Variants in BRAF observed in about 807,000 individuals in gnomAD.
BRAF encodes serine/threonine-protein kinase B-raf.
BRAF carries 16 observed loss-of-function variants against 104.6 expected under a neutral mutation model. The observed-to-expected ratio is 0.15, with a 90% confidence interval of 0.10 to 0.23. BRAF has a LOEUF of 0.23. Among genes scored for constraint, BRAF ranks in the 10% least tolerant of loss-of-function variants. The probability of loss-of-function intolerance (pLI) is 1.00; values close to 1 mark genes in which losing one functional copy is unlikely to be tolerated. For missense variants in BRAF, 541 were observed against 937.3 expected (o/e 0.58, Z 5.52); for synonymous variants, 310 against 341.6 (o/e 0.91, Z 1.02).
In BRAF at chr7:140,924,532, G is replaced by A. The variant is rs1419729185; in HGVS notation, c.138+34C>T. ...ACACCAGCCAGCCGCCGAGCCCGGA[G>A]TCGGGAGGGCGGCAGGGTGGCGCCA... On this transcript the variant is annotated intron_variant, in intron 1 of 19. Coordinates refer to ENST00000644969, the MANE Select transcript of BRAF (RefSeq NM_001374258.1). The surrounding 1 kb of genome is among the most constrained non-coding windows in gnomAD (Gnocchi z 4.2). 9 of 1,533,734 alleles carry A rather than the reference G, an allele frequency of 5.9e-6. No homozygotes were observed. In the South Asian group the frequency reaches 7.1e-5, roughly 12 times the overall value.
intron 1 of BRAF, among the ~76,000 whole-genome samples, chr7:140,891,976 G>A (rs1484277955): frequency 6.6e-6 from 1 of 152,164 alleles, no homozygotes; most frequent in African/African-American, 2.4e-5. Flanking sequence ...CAAAGGTAAG[G>A]CCAGGTGCAG....
intron 2 of BRAF, among the ~76,000 whole-genome samples, chr7:140,846,336 A>AT (rs1554411554): frequency 6.6e-6 from 1 of 152,208 alleles, no homozygotes. Flanking sequence ...AAGGAAAAAA[A>AT]TTTTGATATA....
intron 14 of BRAF, among the ~76,000 whole-genome samples, chr7:140,757,605 G>C (rs1798314749): frequency 6.6e-6 from 1 of 152,086 alleles, no homozygotes; most frequent in Non-Finnish European, 1.5e-5. Context: ...TTTAAATTTT[G>C]TAGACATGGT....
intron 1 of BRAF, among the ~76,000 whole-genome samples, chr7:140,919,492 G>T (rs1044447852): frequency 6.6e-6 from 1 of 151,682 alleles, no homozygotes; most frequent in African/African-American, 2.4e-5. Flanking sequence ...GAGAAAACAT[G>T]GACACAAAAA....
At chr7:140,770,948 A>C (rs1226402627) in intron 14 of BRAF, among the ~76,000 whole-genome samples, 2 of 149,824 alleles carry the variant, frequency 1.3e-5, no homozygotes, top group Non-Finnish European at 1.5e-5. Flanking sequence ...AAAAAAAAAA[A>C]CCAAAAAAGA....
At chr7:140,821,714 C>G (rs1024098762) in intron 3 of BRAF, among the ~76,000 whole-genome samples, 2 of 152,096 alleles carry the variant, frequency 1.3e-5, no homozygotes, top group African/African-American at 4.8e-5. Context: ...CCATTCGACC[C>G]AGCAGTCTCA....
In BRAF at chr7:140,753,318, C is replaced by T. The variant is rs1488384581; in HGVS notation, c.1937G>A (p.Gly646Glu). Residue 646 changes from glycine (G) to glutamate (E), a missense_variant, in exon 16 of 20, where the codon GGG becomes GAG. Physicochemically the swap from Gly to Glu is moderately conservative, Grantham distance 98. Transcript: ENST00000644969. Reference sequence around the variant, plus strand: ...AGACAACTGTTCAAACTGATGGGACCCACTCCATCGAGATTTCACTGTAGC... The same window carrying T: ...AGACAACTGTTCAAACTGATGGGACTCACTCCATCGAGATTTCACTGTAGC... Reference protein sequence around the residue: ...GLATVKSRWSGSHQFEQLSGS... With the variant: ...GLATVKSRWSESHQFEQLSGS... 6.2e-7 allele frequency: 1 copy of T among 1,612,594 alleles called. No individual in the cohort carries two copies. Among genetic ancestry groups the T allele is most frequent in the Non-Finnish European group, 8.5e-7 (1 of 1,179,072 alleles).
chr7:140,720,922 A>T lies in BRAF; in HGVS notation c.*5572T>A. The T allele has an allele frequency of 9.4e-7, 1 of 1,065,918 alleles. No homozygotes were observed. The highest frequency in any genetic ancestry group is 5.0e-5 in the East Asian group (1 of 20,152). The allele number at this position is 1,065,918 out of a possible 1,614,324, so 66.0% of individuals were successfully genotyped here. On this transcript the variant is annotated 3_prime_UTR_variant, in exon 20 of 20. Transcript: ENST00000644969. The stretch of plus-strand genomic sequence containing the variant: ...ACAAATTTTCTGCCAACTCTCCCGC[A>T]TATGTGCTGTACATGAGAACCAGCG...
chr7:140,756,733 C>G (rs981154650), intron 14 of BRAF, among the ~76,000 whole-genome samples: 3 of 152,162 alleles, frequency 2.0e-5, no homozygotes, highest in African/African-American at 7.2e-5. Flanking sequence ...TACAGTTTTA[C>G]AGAAGTACTA....
chr7:140,910,721 C>T (rs1292189690), intron 1 of BRAF, among the ~76,000 whole-genome samples: 1 of 152,074 alleles, frequency 6.6e-6, no homozygotes, highest in East Asian at 1.9e-4. Context: ...GTCACCCAGG[C>T]AGGAGTGCAG....
Position 140,781,640 on chromosome 7 carries a change from C to G in BRAF, c.1488G>C (p.Gln496His), listed in dbSNP as rs767473452. ...ATCCAATTCTTTGTCCCACTGTAAT[C>G]TGCCCATCAGGAATCTCCCAATCAT... Reference protein sequence around the residue: ...SSDDWEIPDGQITVGQRIGSG... With the variant: ...SSDDWEIPDGHITVGQRIGSG... The change falls in exon 12 of 20, where the codon CAG becomes CAC. Residue 496 changes from glutamine (Q) to histidine (H), a missense_variant. Around this residue, in one of 10 missense-constraint regions of BRAF, gnomAD observed 109 missense variants for 143.9 expected, o/e 0.76. Coordinates refer to ENST00000644969, the MANE Select transcript of BRAF (RefSeq NM_001374258.1). 1 of 1,614,134 alleles carries G rather than the reference C, an allele frequency of 6.2e-7. No homozygotes were observed. Among genetic ancestry groups the G allele is most frequent in the Non-Finnish European group, 8.5e-7 (1 of 1,180,018 alleles).
chr7:140,821,468 T>G (rs1420969271), intron 3 of BRAF, among the ~76,000 whole-genome samples: 1 of 151,446 alleles, frequency 6.6e-6, no homozygotes, highest in Non-Finnish European at 1.5e-5. Flanking sequence ...TGGCTAATTT[T>G]TTTTTTTGTA....
intron 14 of BRAF, among the ~76,000 whole-genome samples, chr7:140,773,031 A>G (rs1032778731): frequency 6.6e-6 from 1 of 152,322 alleles, no homozygotes; most frequent in African/African-American, 2.4e-5. Context: ...AATGTTCCTT[A>G]GAAAACCTCT....
chr7:140,771,985 T>C (rs1237708951), intron 14 of BRAF, among the ~76,000 whole-genome samples: 1 of 151,990 alleles, frequency 6.6e-6, no homozygotes, highest in East Asian at 1.9e-4. Flanking sequence ...GCCCTCAAGA[T>C]GAAACTATGG....
chr7:140,851,541 T>C (rs933876397), intron 1 of BRAF, among the ~76,000 whole-genome samples: 9 of 152,170 alleles, frequency 5.9e-5, no homozygotes, highest in African/African-American at 2.2e-4. Context: ...CTCCAACAAA[T>C]AGTTCTGAAC....
intron 1 of BRAF, among the ~76,000 whole-genome samples, chr7:140,918,802 AAAACAGAC>A (rs1308679540): frequency 4.6e-5 from 7 of 152,252 alleles, no homozygotes; most frequent in Non-Finnish European, 7.3e-5. Flanking sequence ...TTAAAACTAC[AAAACAGAC>A]AAAAACAGTT....
At chr7:140,844,270 A>T (rs1808315622) in intron 2 of BRAF, among the ~76,000 whole-genome samples, 1 of 151,964 alleles carries the variant, frequency 6.6e-6, no homozygotes, top group Non-Finnish European at 1.5e-5. Flanking sequence ...ATAAAAATAA[A>T]TTTCTGGCTA....
intron 6 of BRAF, 86 bp from the exon 7 acceptor site, chr7:140,800,567 G>A: frequency 6.3e-7 from 1 of 1,592,184 alleles, no homozygotes; most frequent in South Asian, 1.1e-5. Flanking sequence ...AAAAAACTGA[G>A]ATCAAATTCC....
At chr7:140,822,386 GA>G (rs1475499914) in intron 3 of BRAF, 1 of 152,158 alleles carries the variant, frequency 6.6e-6, no homozygotes, top group Admixed American at 6.5e-5. Context: ...TCAAGATAAT[GA>G]ACATACCCAT....
Sources: allele counts gnomAD v4.1 joint callset (sites outside exome capture counted in the v4.1 genomes callset), GRCh38; gene constraint gnomAD v4.1.1; regional missense constraint gnomAD v4.1.1; non-coding constraint Gnocchi (gnomAD v3.1); transcripts MANE v1.5; gene names NCBI Gene and HGNC (gene_info 2026-07-23, HGNC 2026-07-21).